Variants in FAM107B observed in about 807,000 individuals in gnomAD.
The protein encoded by FAM107B is family with sequence similarity 107 member B, also known as protein FAM107B.
A neutral mutation model predicts 31.5 loss-of-function variants in FAM107B; 21 were observed. That is an observed-to-expected ratio of 0.67 (90% CI 0.47 to 0.96). FAM107B has a LOEUF of 0.96. FAM107B is among the 40% of genes least tolerant of loss of function. The probability of loss-of-function intolerance (pLI) is 0.00; values close to 1 mark genes in which losing one functional copy is unlikely to be tolerated. For synonymous variants in FAM107B, 157 were observed against 141.5 expected (o/e 1.11, Z -0.78); for missense variants, 452 against 377.1 (o/e 1.20, Z -1.64).
intron 2 of FAM107B, among the ~76,000 whole-genome samples, chr10:14,608,744 A>C (rs1852655170): frequency 6.6e-6 from 1 of 152,218 alleles, no homozygotes; most frequent in African/African-American, 2.4e-5. Flanking sequence ...CTACCATTAA[A>C]AATGTCACAA....
chr10:14,560,812 A>G (rs1247357829), intron 2 of FAM107B, among the ~76,000 whole-genome samples: 1 of 152,230 alleles, frequency 6.6e-6, no homozygotes. Context: ...AAATATGCCA[A>G]AGCCCCGATG....
intron 2 of FAM107B, among the ~76,000 whole-genome samples, chr10:14,646,560 A>T (rs1375241731): frequency 6.6e-6 from 1 of 152,114 alleles, no homozygotes; most frequent in Non-Finnish European, 1.5e-5. Flanking sequence ...CATTTTCTTT[A>T]TCCACTCATT....
intron 1 of FAM107B, among the ~76,000 whole-genome samples, chr10:14,758,873 GAAAAAAAAAAAAA>G (rs57967855): frequency 5.1e-5 from 2 of 38,968 alleles, no homozygotes; most frequent in Admixed American, 3.6e-4. Context: ...GACCCTCTCA[GAAAAAAAAAAAAA>G]AAAAAAAAAA....
At chr10:14,639,097 G>C (rs560535189) in intron 2 of FAM107B, among the ~76,000 whole-genome samples, 2 of 152,110 alleles carry the variant, frequency 1.3e-5, no homozygotes, top group African/African-American at 2.4e-5. Flanking sequence ...GGGGGGTTGA[G>C]GGGGGAGGAT....
intron 1 of FAM107B, among the ~76,000 whole-genome samples, chr10:14,682,870 C>G (rs964710675): frequency 2.0e-5 from 3 of 151,386 alleles, no homozygotes; most frequent in Non-Finnish European, 4.4e-5. Flanking sequence ...TGCACATGTA[C>G]CCCATAACTT....
At chr10:14,573,858 A>C (rs1342664774) in intron 2 of FAM107B, among the ~76,000 whole-genome samples, 1 of 151,930 alleles carries the variant, frequency 6.6e-6, no homozygotes, top group African/African-American at 2.4e-5. Flanking sequence ...CTCACACTTG[A>C]TTCACTTGGA....
intron 3 of FAM107B, among the ~76,000 whole-genome samples, chr10:14,528,812 C>A (rs568699474): frequency 4.6e-5 from 7 of 152,136 alleles, no homozygotes; most frequent in African/African-American, 1.7e-4. Flanking sequence ...ACAGCAATGA[C>A]CCAAACTACT....
intron 1 of FAM107B, chr10:14,723,175 C>A: frequency 1.9e-6 from 1 of 512,932 alleles, no homozygotes; most frequent in South Asian, 1.4e-5. Flanking sequence ...AGCTTAAGAC[C>A]ATTCAGTGGT....
At chr10:14,572,843 G>T (rs1190559874) in intron 2 of FAM107B, among the ~76,000 whole-genome samples, 3 of 149,962 alleles carry the variant, frequency 2.0e-5, no homozygotes, top group Non-Finnish European at 3.0e-5. Context: ...ACAAGCAGAA[G>T]GGACTTGAGT....
At position 14,762,757 on chromosome 10, in the gene FAM107B, C is replaced by T. The variant is rs796259201; in HGVS notation, c.411+11496G>A. ...GGAGACAGAGTGAAACTCTGTCTCACACACACACACACACACACACACACA... is the reference window on the plus strand; with the variant it reads ...GGAGACAGAGTGAAACTCTGTCTCATACACACACACACACACACACACACA... On this transcript the variant is annotated intron_variant, in intron 1 of 4. Transcript: ENST00000181796. Among the ~76,000 whole-genome samples, 32 of 31,936 alleles carry T rather than the reference C, an allele frequency of 1.0e-3. 1 individual carries two copies. Among genetic ancestry groups the T allele is most frequent in the African/African-American group, 3.7e-3 (28 of 7,564 alleles). The allele number at this position is 31,936 out of a possible 152,430, so 21.0% of individuals were successfully genotyped here.
intron 1 of FAM107B, among the ~76,000 whole-genome samples, chr10:14,692,105 T>A (rs1273234841): frequency 6.6e-6 from 1 of 152,106 alleles, no homozygotes; most frequent in Non-Finnish European, 1.5e-5. Flanking sequence ...TTAATCTCTG[T>A]TATTCCATCC....
intron 1 of FAM107B, among the ~76,000 whole-genome samples, chr10:14,756,146 T>C (rs1005272865): frequency 6.6e-6 from 1 of 152,080 alleles, no homozygotes; most frequent in African/African-American, 2.4e-5. Flanking sequence ...AAAATCAAAA[T>C]CAGGGGGAGC....
chr10:14,745,444 A>G (rs1832705972), intron 1 of FAM107B, among the ~76,000 whole-genome samples: 1 of 152,118 alleles, frequency 6.6e-6, no homozygotes, highest in Admixed American at 6.6e-5. Context: ...ATTTAGTTCT[A>G]TAAATTTCTC....
chr10:14,680,189 C>T (rs1456234007), intron 1 of FAM107B, among the ~76,000 whole-genome samples: 1 of 152,068 alleles, frequency 6.6e-6, no homozygotes. Flanking sequence ...TTCTTGAGTT[C>T]CCAGCATAGA....
At chr10:14,670,769 G>A (rs1173810618) in intron 1 of FAM107B, among the ~76,000 whole-genome samples, 1 of 152,186 alleles carries the variant, frequency 6.6e-6, no homozygotes, top group Non-Finnish European at 1.5e-5. Flanking sequence ...ATCTGCAGAG[G>A]GAAGGATGTT....
intron 2 of FAM107B, among the ~76,000 whole-genome samples, chr10:14,595,677 A>G (rs1167898886): frequency 6.6e-5 from 10 of 152,052 alleles, no homozygotes; most frequent in Admixed American, 6.6e-4. Context: ...CTTGGTCTCC[A>G]CATCTGTAAA....
intron 1 of FAM107B, among the ~76,000 whole-genome samples, chr10:14,741,077 A>T (rs771197845): frequency 3.9e-5 from 6 of 152,132 alleles, no homozygotes; most frequent in Non-Finnish European, 7.3e-5. Flanking sequence ...AGCAGACAGC[A>T]CTGGGATGGG....
intron 2 of FAM107B, among the ~76,000 whole-genome samples, chr10:14,645,786 G>T (rs549306036): frequency 3.9e-5 from 6 of 152,198 alleles, no homozygotes; most frequent in African/African-American, 1.4e-4. Context: ...TTCTCTCCCT[G>T]ATTTCTGTTA....
chr10:14,668,328 C>A (rs1309886044), intron 1 of FAM107B, among the ~76,000 whole-genome samples: 1 of 152,166 alleles, frequency 6.6e-6, no homozygotes, highest in Non-Finnish European at 1.5e-5. Flanking sequence ...CAGGAGTGAG[C>A]CACCACACCA....
Sources: allele counts gnomAD v4.1 joint callset (sites outside exome capture counted in the v4.1 genomes callset), GRCh38; gene constraint gnomAD v4.1.1; transcripts MANE v1.5; gene names NCBI Gene and HGNC (gene_info 2026-07-23, HGNC 2026-07-21).